USP34: variants seen among roughly 807,000 people sequenced by gnomAD.
The protein encoded by USP34 is ubiquitin carboxyl-terminal hydrolase 34.
A neutral mutation model predicts 460.3 loss-of-function variants in USP34; 70 were observed. That is an observed-to-expected ratio of 0.15 (90% CI 0.13 to 0.19). The LOEUF is 0.19. Ranked by LOEUF, USP34 falls within the 10% of genes least tolerant of loss-of-function variation. The pLI, the probability that USP34 is intolerant of heterozygous loss-of-function variation, is 1.00. For synonymous variants in USP34, 1,647 were observed against 1,405.3 expected (o/e 1.17, Z -3.85); for missense variants, 3,985 against 4,236.2 (o/e 0.94, Z 1.65).
rs145440480 is a variant in USP34 at position 61,394,517 on chromosome 2, G to C, written c.753+336C>G. Among the ~76,000 whole-genome samples the C allele has an allele frequency of 6.2e-3, 830 of 134,716 alleles. 7 individuals are homozygous for C. Among genetic ancestry groups the C allele is most frequent in the African/African-American group, 0.022 (781 of 35,566 alleles). The allele number at this position is 134,716 out of a possible 152,430, so 88.4% of individuals were successfully genotyped here. ...TAGAAGCTACAGCCTAAACAACGGA[G>C]TGAGACCCTCTCTCTCAAAAAAAAA... On this transcript the variant is annotated intron_variant, in intron 5 of 79. Transcript: ENST00000398571.
chr2:61,350,546 T>C (rs1174221940), intron 11 of USP34, 22 bp downstream of exon 11: 3 of 1,567,960 alleles, frequency 1.9e-6, no homozygotes, highest in East Asian at 2.2e-5. Context: ...AAAAAAAAAC[T>C]ATCATGTTTT....
At chr2:61,222,870 T>C (rs1687625381) in intron 64 of USP34, 190 bp downstream of exon 64, 3 of 685,502 alleles carry the variant, frequency 4.4e-6, no homozygotes. Context: ...TAGATTTTTC[T>C]ATTTTGTGTA....
At chr2:61,362,895 T>C (rs1021284991) in intron 10 of USP34, among the ~76,000 whole-genome samples, 2 of 152,242 alleles carry the variant, frequency 1.3e-5, no homozygotes, top group African/African-American at 4.8e-5. Flanking sequence ...TATTTCTCAG[T>C]ATTTGCCTAT....
At chr2:61,394,773 C>T in intron 5 of USP34, 80 bp downstream of exon 5, 2 of 1,183,612 alleles carry the variant, frequency 1.7e-6, no homozygotes, top group Non-Finnish European at 2.2e-6. Context: ...CAAAACCTTC[C>T]TTTTCAGAGC....
chr2:61,193,365 T>TTAAAAAA, intron 75 of USP34: 1 of 97,242 alleles, frequency 1.0e-5, no homozygotes, highest in African/African-American at 3.7e-5. Context: ...AGGGGAAAGG[T>TTAAAAAA]AAAAAAAAAA....
intron 1 of USP34, among the ~76,000 whole-genome samples, chr2:61,427,472 C>A (rs1694545736): frequency 6.6e-6 from 1 of 152,182 alleles, no homozygotes; most frequent in Non-Finnish European, 1.5e-5. Context: ...GAAAACATGA[C>A]CTCACCAAAT....
chr2:61,455,801 A>G (rs1171066672), intron 1 of USP34, among the ~76,000 whole-genome samples: 1 of 152,192 alleles, frequency 6.6e-6, no homozygotes, highest in Non-Finnish European at 1.5e-5. Flanking sequence ...AAATGTTGAT[A>G]TGCATTATCT....
chr2:61,259,586 A>G, intron 44 of USP34, 125 bp downstream of exon 44: 1 of 700,762 alleles, frequency 1.4e-6, no homozygotes, highest in East Asian at 2.7e-5. Context: ...GGGTTTCACC[A>G]TGTTGCCCAG....
intron 75 of USP34, among the ~76,000 whole-genome samples, chr2:61,197,384 T>G (rs1418647474): frequency 6.6e-6 from 1 of 152,178 alleles, no homozygotes; most frequent in Non-Finnish European, 1.5e-5. Context: ...TTGCGCTTCT[T>G]TTGGATGAGG....
Position 61,420,845 on chromosome 2 carries a change from A to T in USP34, c.44-12T>A. The T allele has an allele frequency of 6.3e-7, 1 of 1,593,744 alleles. No homozygotes were observed. The highest frequency in any genetic ancestry group is 8.6e-7 in the Non-Finnish European group (1 of 1,168,374). On this transcript the variant is annotated splice_polypyrimidine_tract_variant and intron_variant, in intron 1 of 79. Coordinates refer to ENST00000398571, the MANE Select transcript of USP34 (RefSeq NM_014709.4). ...TTCTACATCTGATACTGAAATAAAA[A>T]AGAAATTTTAAAATTATGAATAATG... is the stretch of plus-strand genomic sequence containing the variant.
At chr2:61,284,790 A>G in intron 35 of USP34, 85 bp downstream of exon 35, 1 of 1,103,080 alleles carries the variant, frequency 9.1e-7, no homozygotes, top group Non-Finnish European at 1.3e-6. Context: ...TTTTTCTATT[A>G]AGTTTAGAAT....
At chr2:61,432,736 G>GA (rs958225788) in intron 1 of USP34, among the ~76,000 whole-genome samples, 44 of 147,732 alleles carry the variant, frequency 3.0e-4, no homozygotes, top group Middle Eastern at 3.4e-3. Context: ...AAGGTAAGGT[G>GA]AAAAAAAAAA....
chr2:61,277,456 C>T (rs1045269863), intron 41 of USP34, among the ~76,000 whole-genome samples: 4 of 151,912 alleles, frequency 2.6e-5, no homozygotes, highest in Admixed American at 1.3e-4. Context: ...TGGCTGGTCT[C>T]GAACTCCTGG....
chr2:61,331,651 G>C (rs577879427), intron 19 of USP34, among the ~76,000 whole-genome samples: 24 of 151,900 alleles, frequency 1.6e-4, no homozygotes, highest in Non-Finnish European at 1.3e-4. Flanking sequence ...AAAGTAATAT[G>C]ATACCCTTTC....
At chr2:61,394,172 G>A (rs10865324) in intron 5 of USP34, among the ~76,000 whole-genome samples, 77,528 of 151,948 alleles carry the variant, frequency 0.51, 20,083 homozygotes, top group South Asian at 0.72. Context: ...GCTTCACAGT[G>A]AAACTGATAC....
At chr2:61,224,111 T>C (rs887763162) in intron 62 of USP34, among the ~76,000 whole-genome samples, 3 of 152,236 alleles carry the variant, frequency 2.0e-5, no homozygotes, top group African/African-American at 7.2e-5. Flanking sequence ...AGCGTACACA[T>C]TTCCTGAAGT....
chr2:61,454,342 T>C (rs1056520660), intron 1 of USP34, among the ~76,000 whole-genome samples: 1 of 152,212 alleles, frequency 6.6e-6, no homozygotes, highest in African/African-American at 2.4e-5. Flanking sequence ...CAGGCTGGTA[T>C]TGAACTCCTG....
chr2:61,444,153 G>A (rs1029268761), intron 1 of USP34, among the ~76,000 whole-genome samples: 2 of 152,124 alleles, frequency 1.3e-5, no homozygotes, highest in Admixed American at 1.3e-4. Flanking sequence ...TACTCAGGAG[G>A]CTGAGGTGGG....
intron 1 of USP34, among the ~76,000 whole-genome samples, chr2:61,443,493 TA>T (rs59059487): frequency 0.015 from 2,182 of 147,772 alleles, 29 homozygotes; most frequent in Non-Finnish European, 0.024. Context: ...GCAGATGTGT[TA>T]AAAAAAAAAA....
Sources: gnomAD v4.1 joint callset for allele counts (sites outside exome capture counted in the v4.1 genomes callset) on GRCh38, gnomAD v4.1.1 for gene constraint, MANE v1.5 for transcripts, NCBI Gene and HGNC (gene_info 2026-07-23, HGNC 2026-07-21) for gene names.